The following LAMC3 variants were observed in gnomAD, a reference collection of about 807,000 sequenced individuals.
LAMC3 encodes the protein laminin subunit gamma-3.
In LAMC3, 128 loss-of-function variants were observed where a neutral mutation model predicts 173.8. The ratio of observed to expected loss-of-function variants is 0.74; its 90% CI spans 0.64 to 0.85. LAMC3 has a LOEUF of 0.85. Ranked by LOEUF, LAMC3 falls within the 40% of genes least tolerant of loss-of-function variation. The pLI is 0.00. For missense variants in LAMC3, 2,022 were observed against 2,156.0 expected (o/e 0.94, Z 1.23); for synonymous variants, 897 against 909.1 (o/e 0.99, Z 0.24).
In LAMC3 at chr9:131,077,240, T is replaced by C; in HGVS notation, c.3683T>C (p.Val1228Ala). 1 of 1,613,710 alleles carries C rather than the reference T, an allele frequency of 6.2e-7. No homozygotes were observed. Among genetic ancestry groups the C allele is most frequent in the Middle Eastern group, 1.7e-4 (1 of 6,060 alleles). Reference protein sequence around the residue: ...QKALRTAVAEVLPEAESVLAT... With the variant: ...QKALRTAVAEALPEAESVLAT... ...GCACTGAGGACGGCTGTGGCAGAGG[T>C]GCTGCCTGAAGCGGAAAGCGTGTTG... The change falls in exon 22 of 28, where the codon GTG becomes GCG. Residue 1228 changes from valine to alanine, a missense_variant. Physicochemically the swap from Val to Ala is moderately conservative, Grantham distance 64. Transcript: ENST00000361069.
chr9:131,061,795 A>C (rs1315131029), intron 13 of LAMC3, among the ~76,000 whole-genome samples: 1 of 152,040 alleles, frequency 6.6e-6, no homozygotes, highest in African/African-American at 2.4e-5. Context: ...CATGCCTGTA[A>C]TCTCAGCACT....
Position 131,079,254 on chromosome 9 carries a change from A to C in LAMC3, c.3883A>C (p.Thr1295Pro). 1 of 1,614,190 alleles carries C rather than the reference A, an allele frequency of 6.2e-7. No homozygotes were observed. Among genetic ancestry groups the C allele is most frequent in the Non-Finnish European group, 8.5e-7 (1 of 1,180,032 alleles). ...MATEAARTLQ[T>P]AAQATLRQTE... ...CACTGAGGCTGCCCGAACCCTCCAG[A>C]CTGCTGCCCAGGCGACGCTACGGCA... The change falls in exon 23 of 28, where the codon ACT becomes CCT. Residue 1295 changes from threonine to proline, a missense_variant. Coordinates refer to ENST00000361069, the MANE Select transcript of LAMC3 (RefSeq NM_006059.4).
chr9:131,071,441 C>T (rs1484564054), intron 17 of LAMC3, 43 bp from the exon 18 acceptor site: 1 of 1,607,094 alleles, frequency 6.2e-7, no homozygotes, highest in East Asian at 2.2e-5. Context: ...GCAGGACCTC[C>T]ATGCCACCAG....
chr9:131,012,048 A>AACACACACACACACACAC (rs3837236), intron 1 of LAMC3, among the ~76,000 whole-genome samples: 35 of 138,240 alleles, frequency 2.5e-4, no homozygotes, highest in African/African-American at 9.1e-4. Context: ...GTAGAGAGCG[A>AACACACACACACACACAC]ACACACACAC....
chr9:131,065,339 C>T (rs1760838802), intron 13 of LAMC3, among the ~76,000 whole-genome samples: 1 of 152,110 alleles, frequency 6.6e-6, no homozygotes. Flanking sequence ...GAAGATGAGC[C>T]AGAAAGCCCA....
chr9:131,010,331 A>T (rs1833390576), intron 1 of LAMC3, among the ~76,000 whole-genome samples: 1 of 152,120 alleles, frequency 6.6e-6, no homozygotes, highest in African/African-American at 2.4e-5. Context: ...CTCTTAATAA[A>T]AAGAAAGAAT....
chr9:131,081,752 G>T (rs1830246591), intron 23 of LAMC3, among the ~76,000 whole-genome samples: 2 of 152,336 alleles, frequency 1.3e-5, no homozygotes, highest in South Asian at 4.1e-4. Flanking sequence ...TGGGATTACA[G>T]GTGTGAGTCT....
rs868020914 is a variant in LAMC3, at chr9:131,069,922, C to T, written c.3069+72C>T. 8 of 1,445,954 alleles carry T rather than the reference C, an allele frequency of 5.5e-6. No individual in the cohort carries two copies. The Middle Eastern group carries it at 1.3e-3, about 237-fold the overall frequency. 89.6% of individuals were successfully genotyped at this position (1,445,954 alleles called of 1,614,324 possible). ...CAGCAAGTGCCAGCTCTATGCCGGG[C>T]ACCAGGAACTGCCTGCTTACCCCCA... On this transcript the variant is annotated intron_variant, in intron 17 of 27. Transcript: ENST00000361069.
chr9:131,011,809 C>T (rs1193113460), intron 1 of LAMC3, among the ~76,000 whole-genome samples: 1 of 151,978 alleles, frequency 6.6e-6, no homozygotes, highest in Non-Finnish European at 1.5e-5. Context: ...GTCCTGGGAA[C>T]CCAGGGGCCA....
chr9:131,069,057 A>T lies in LAMC3; in HGVS notation c.2890+7A>T. ...TCCATCAAGGGCTGCCGGGGTAAGGAGGCTGGGTCCTTCCCGGGCTGCCCT... is the reference window on the plus strand; with the variant it reads ...TCCATCAAGGGCTGCCGGGGTAAGGTGGCTGGGTCCTTCCCGGGCTGCCCT... On this transcript the variant is annotated splice_region_variant and intron_variant, in intron 16 of 27. Transcript: ENST00000361069. 1 of 1,613,184 alleles carries T rather than the reference A, an allele frequency of 6.2e-7. No homozygotes were observed. The highest frequency in any genetic ancestry group is 8.5e-7 in the Non-Finnish European group (1 of 1,179,876).
intron 1 of LAMC3, among the ~76,000 whole-genome samples, chr9:131,017,175 G>A (rs1833536406): frequency 6.6e-6 from 1 of 152,168 alleles, no homozygotes. Flanking sequence ...GCTGTGCGCG[G>A]GCTGCTGCGG....
At chr9:131,052,412 T>A (rs1834306319) in intron 9 of LAMC3, 79 bp from the exon 10 acceptor site, 1 of 1,289,228 alleles carries the variant, frequency 7.8e-7, no homozygotes, top group African/African-American at 1.5e-5. Flanking sequence ...AATGTTTAGT[T>A]GCCGATAAAA....
intron 13 of LAMC3, 26 bp downstream of exon 13, chr9:131,061,249 T>C (rs1829813585): frequency 1.3e-6 from 2 of 1,583,692 alleles, no homozygotes; most frequent in South Asian, 2.2e-5. Flanking sequence ...CCCGGAGCCC[T>C]GCCCCGCAGA....
At chr9:131,082,644 G>A (rs1830261691) in intron 24 of LAMC3, among the ~76,000 whole-genome samples, 1 of 152,228 alleles carries the variant, frequency 6.6e-6, no homozygotes, top group South Asian at 2.1e-4. Flanking sequence ...TCATCCCTGG[G>A]TCAGAGCTAA....
Position 131,009,575 on chromosome 9 carries a change from A to G in LAMC3, c.361A>G (p.Thr121Ala), listed in dbSNP as rs1489032372. ...GVQYPTSVNI[T>A]LRLGKAYEIT... ...GCAGTACCCCACCTCGGTCAACATCACCCTCCGCCTAGGTAAGCGCGGGCT... is the reference window on the plus strand; with the variant it reads ...GCAGTACCCCACCTCGGTCAACATCGCCCTCCGCCTAGGTAAGCGCGGGCT... The change falls in exon 1 of 28, where the codon ACC becomes GCC. Residue 121 changes from threonine to alanine, a missense_variant. Transcript: ENST00000361069. The surrounding 1 kb of genome is among the most constrained non-coding windows in gnomAD (Gnocchi z 4.3). The G allele has an allele frequency of 1.3e-6, 2 of 1,570,858 alleles. No individual in the cohort carries two copies. The highest frequency in any genetic ancestry group is 1.8e-5 in the Admixed American group (1 of 54,642).
At chr9:131,091,044 C>A (rs1352283851) in intron 27 of LAMC3, among the ~76,000 whole-genome samples, 2 of 152,084 alleles carry the variant, frequency 1.3e-5, no homozygotes, top group Non-Finnish European at 1.5e-5. Flanking sequence ...ATGCATCCAT[C>A]CATCCATACA....
chr9:131,051,004 C>T lies in LAMC3; in HGVS notation c.1631-1487C>T, dbSNP rs28713493. Among the ~76,000 whole-genome samples, 705 of 152,258 alleles carry T rather than the reference C, an allele frequency of 4.6e-3. 4 individuals carry two copies. The highest frequency in any genetic ancestry group is 0.016 in the African/African-American group (679 of 41,556). On this transcript the variant is annotated intron_variant, in intron 9 of 27. Transcript: ENST00000361069. Reference sequence around the variant, plus strand: ...GCCGGGGCATGTGGCCACCAGCTCCCGGGGCTCCCCGCTTCAGGCCGCTTC... The same window carrying T: ...GCCGGGGCATGTGGCCACCAGCTCCTGGGGCTCCCCGCTTCAGGCCGCTTC...
chr9:131,065,613 TGATAAA>T lies in LAMC3; in HGVS notation c.2348-1341_2348-1336del, dbSNP rs892169621. 1.6e-4 allele frequency among the ~76,000 whole-genome samples: 25 copies of T among 152,108 alleles called. 1 individual carries two copies. Among genetic ancestry groups the T allele is most frequent in the African/African-American group, 9.7e-5 (4 of 41,408 alleles). ...GATCAAAATGATGACAATGAGGTGA[TGATAAA>T]GATAAGGTGACGATGACAGTTGTGC... is the stretch of plus-strand genomic sequence containing the variant. On this transcript the variant is annotated intron_variant, in intron 13 of 27. Coordinates refer to ENST00000361069, the MANE Select transcript of LAMC3 (RefSeq NM_006059.4).
intron 3 of LAMC3, 28 bp from the exon 4 acceptor site, chr9:131,036,138 C>A: frequency 6.2e-7 from 1 of 1,612,482 alleles, no homozygotes; most frequent in Non-Finnish European, 8.5e-7. Context: ...ACCTGCGGGT[C>A]CCCTTCCTCC....
Sources: allele counts gnomAD v4.1 joint callset (sites outside exome capture counted in the v4.1 genomes callset), GRCh38; gene constraint gnomAD v4.1.1; non-coding constraint Gnocchi (gnomAD v3.1); transcripts MANE v1.5; gene names NCBI Gene and HGNC (gene_info 2026-07-23, HGNC 2026-07-21).